ST14: variants seen among roughly 807,000 people sequenced by gnomAD.
ST14 encodes the protein ST14 transmembrane serine protease matriptase, also known as suppressor of tumorigenicity 14 protein.
In ST14, 40 loss-of-function variants were observed where a neutral mutation model predicts 96.5. That is an observed-to-expected ratio of 0.41 (90% confidence interval 0.32 to 0.54). The LOEUF (loss-of-function observed/expected upper bound fraction) is 0.54, where lower values mean the gene tolerates loss of function less well. Ranked by LOEUF, ST14 falls within the 20% of genes least tolerant of loss-of-function variation. The pLI is 0.17. For synonymous variants in ST14, 506 were observed against 492.1 expected, an observed-to-expected ratio of 1.03 and a Z score of -0.37; for missense variants, 1,066 against 1,188.9, an observed-to-expected ratio of 0.90 and a Z score of 1.52.
At chr11:130,200,649 G>A (rs7938567) in intron 16 of ST14, among the ~76,000 whole-genome samples, 71,703 of 152,024 alleles carry the variant, frequency 0.47, 17,740 homozygotes, top group East Asian at 0.74. Flanking sequence ...AACCAAATGA[G>A]CAGATATCCC....
At position 130,188,043 on chromosome 11, in the gene ST14, C is replaced by T. The variant is rs1953254529; in HGVS notation, c.82-71C>T. 12 of 1,584,690 alleles carry T rather than the reference C, an allele frequency of 7.6e-6. No homozygotes were observed. Among genetic ancestry groups the T allele is most frequent in the Non-Finnish European group, 8.6e-6 (10 of 1,164,354 alleles). ...CAAGCTGGACCTCACAAAATGTGAA[C>T]ATCTTCCCCAGCGGGGTGCAGGGGA... On this transcript the variant is annotated intron_variant, in intron 1 of 18. Transcript: ENST00000278742. The surrounding 1 kb of genome is among the most constrained non-coding windows in gnomAD (Gnocchi z 5.4).
At chr11:130,204,929 G>C (rs1389602972) in intron 16 of ST14, among the ~76,000 whole-genome samples, 1 of 152,128 alleles carries the variant, frequency 6.6e-6, no homozygotes. Flanking sequence ...TCCGGGGTCG[G>C]GGAGGTGCCC....
At chr11:130,205,698 C>CTTTTTTTTTTTTT (rs1565629180) in intron 16 of ST14, among the ~76,000 whole-genome samples, 1 of 120,826 alleles carries the variant, frequency 8.3e-6, no homozygotes, top group Non-Finnish European at 1.7e-5. Context: ...CTTCTTTAGA[C>CTTTTTTTTTTTTT]GTTTTTTTTT....
rs1225274151 is a variant in ST14 at position 130,209,832 on chromosome 11, G to T, written c.*9G>T. The stretch of plus-strand genomic sequence containing the variant: ...AGAACACTGGGGTATAGGGGCCGGG[G>T]CCACCCAAATGTGTACACCTGCGGG... On this transcript the variant is annotated 3_prime_UTR_variant, in exon 19 of 19. Transcript: ENST00000278742. 3.7e-6 allele frequency: 6 copies of T among 1,612,648 alleles called. No homozygotes were observed. Among genetic ancestry groups the T allele is most frequent in the Non-Finnish European group, 4.2e-6 (5 of 1,179,988 alleles).
intron 1 of ST14, among the ~76,000 whole-genome samples, chr11:130,164,632 TG>T (rs1953026812): frequency 6.6e-6 from 1 of 151,928 alleles, no homozygotes; most frequent in South Asian, 2.1e-4. Context: ...TTGCCCAAGC[TG>T]GTCTTGAACT....
At position 130,187,124 on chromosome 11, in the gene ST14, G is replaced by A. The variant is rs571703711; in HGVS notation, c.82-990G>A. On this transcript the variant is annotated intron_variant, in intron 1 of 18. Transcript: ENST00000278742. This position sits in a 1 kb window ranked among gnomAD's most constrained non-coding sequence, Gnocchi z 4.5. ...ATGACATCAGGAAACTGTCAAAAGGGCCAACACCTGTGGGTGTGGGATGGG... is the reference window on the plus strand; with the variant it reads ...ATGACATCAGGAAACTGTCAAAAGGACCAACACCTGTGGGTGTGGGATGGG... 6.6e-6 allele frequency among the ~76,000 whole-genome samples: 1 copy of A among 152,172 alleles called. No homozygotes were observed. Among genetic ancestry groups the A allele is most frequent in the South Asian group, 2.1e-4 (1 of 4,834 alleles).
chr11:130,178,809 G>A (rs1000905273), intron 1 of ST14, among the ~76,000 whole-genome samples: 1 of 152,178 alleles, frequency 6.6e-6, no homozygotes, highest in Non-Finnish European at 1.5e-5. Flanking sequence ...GGCGGCGACG[G>A]GTCAAAGGGA....
chr11:130,189,418 G>A, intron 4 of ST14: 2 of 488,928 alleles, frequency 4.1e-6, no homozygotes, highest in Non-Finnish European at 7.4e-6. Context: ...TCTCAGGTCA[G>A]AAAACAGGCT....
intron 1 of ST14, among the ~76,000 whole-genome samples, chr11:130,175,358 CCTCTCTCTCTTTCT>C (rs1167049247): frequency 6.6e-6 from 1 of 150,392 alleles, no homozygotes; most frequent in Admixed American, 6.6e-5. Flanking sequence ...CTTTTCTTTT[CCTCTCTCTCTTTCT>C]CTCTCTCTCT....
At chr11:130,199,247 C>T (rs1953403193) in intron 15 of ST14, among the ~76,000 whole-genome samples, 178 bp downstream of exon 15, 1 of 152,212 alleles carries the variant, frequency 6.6e-6, no homozygotes. Flanking sequence ...AGGCACCACC[C>T]CACGGGCTGG....
chr11:130,194,365 C>T, intron 8 of ST14, 77 bp downstream of exon 8: 3 of 1,582,486 alleles, frequency 1.9e-6, no homozygotes, highest in Non-Finnish European at 2.6e-6. Flanking sequence ...GTGACCTGAG[C>T]TTAGGAGGCC....
chr11:130,188,223 G>T lies in ST14; in HGVS notation c.191G>T (p.Gly64Val), dbSNP rs1565623067. 1 of 1,614,190 alleles carries T rather than the reference G, an allele frequency of 6.2e-7. No individual in the cohort carries two copies. Residue 64 changes from glycine to valine, a missense_variant, in exon 2 of 19, where the codon GGC becomes GTC. Transcript: ENST00000278742. The surrounding 1 kb of genome is among the most constrained non-coding windows in gnomAD (Gnocchi z 5.4). ...GTGGTGCTGGCAGCCGTGCTGATCGGCCTCCTCTTGGTCTTGCTGGGGATC... is the reference window on the plus strand; with the variant it reads ...GTGGTGCTGGCAGCCGTGCTGATCGTCCTCCTCTTGGTCTTGCTGGGGATC... ...RWVVLAAVLI[G>V]LLLVLLGIGF...
chr11:130,196,402 C>T lies in ST14; in HGVS notation c.1177C>T (p.Pro393Ser), dbSNP rs749850221. 6.2e-7 allele frequency: 1 copy of T among 1,610,224 alleles called. No individual in the cohort carries two copies. Among genetic ancestry groups the T allele is most frequent in the South Asian group, 1.1e-5 (1 of 90,102 alleles). Reference sequence around the variant, plus strand: ...CTTCTACCTGCTGGAGCCCGGCGTGCCTGCGGGCACCTGCCCCAAGGACTA... The same window carrying T: ...CTTCTACCTGCTGGAGCCCGGCGTGTCTGCGGGCACCTGCCCCAAGGACTA... ...KFFYLLEPGVPAGTCPKDYVE... is the reference protein window; with the variant it reads ...KFFYLLEPGVSAGTCPKDYVE... Residue 393 changes from proline (P) to serine (S), a missense_variant, in exon 10 of 19, where the codon CCT becomes TCT. Physicochemically the swap from Pro to Ser is moderately conservative, Grantham distance 74. Transcript: ENST00000278742.
chr11:130,166,318 T>C (rs1474529545), intron 1 of ST14, among the ~76,000 whole-genome samples: 6 of 152,186 alleles, frequency 3.9e-5, no homozygotes, highest in Admixed American at 1.3e-4. Flanking sequence ...ACTTGTATCC[T>C]GGACAAGGTG....
chr11:130,197,963 C>T lies in ST14; in HGVS notation c.1459+18C>T, dbSNP rs370884367. 6.4e-7 allele frequency: 1 copy of T among 1,553,584 alleles called. No individual in the cohort carries two copies. Among genetic ancestry groups the T allele is most frequent in the African/African-American group, 1.4e-5 (1 of 73,680 alleles). On this transcript the variant is annotated intron_variant, in intron 12 of 18. Transcript: ENST00000278742. ...CAACTGCAGTGAGTCAGGCTGGGAG[C>T]CCCGGTCTCCCCACCCTCCTTCCCC...
chr11:130,183,542 TAAAA>T (rs751348726), intron 1 of ST14, among the ~76,000 whole-genome samples: 1 of 126,986 alleles, frequency 7.9e-6, no homozygotes, highest in Non-Finnish European at 1.7e-5. Flanking sequence ...CCCTGTATCT[TAAAA>T]AAAAAAAAAA....
chr11:130,200,106 G>A lies in ST14; in HGVS notation c.1963G>A (p.Ala655Thr), dbSNP rs145248109. 22 of 1,613,996 alleles carry A rather than the reference G, an allele frequency of 1.4e-5. No homozygotes were observed. Among genetic ancestry groups the A allele is most frequent in the Non-Finnish European group, 1.8e-5 (21 of 1,180,038 alleles). ...LISPNWLVSA[A>T]HCYIDDRGFR... The stretch of plus-strand genomic sequence containing the variant: ...CTCTCCCAACTGGCTGGTCTCTGCC[G>A]CACACTGCTACATCGATGACAGAGG... The change falls in exon 16 of 19, where the codon GCA becomes ACA. Residue 655 changes from alanine (A) to threonine (T), a missense_variant. Physicochemically the swap from Ala to Thr is moderately conservative, Grantham distance 58 (BLOSUM62 0). Transcript: ENST00000278742.
At chr11:130,202,675 A>C (rs1246244747) in intron 16 of ST14, among the ~76,000 whole-genome samples, 2 of 152,186 alleles carry the variant, frequency 1.3e-5, no homozygotes, top group African/African-American at 2.4e-5. Context: ...CTAAGTCATC[A>C]TGCATTCATT....
intron 1 of ST14, among the ~76,000 whole-genome samples, chr11:130,180,599 C>T (rs1048551349): frequency 3.3e-5 from 5 of 152,052 alleles, no homozygotes; most frequent in African/African-American, 1.2e-4. Flanking sequence ...GGTCGTGGGC[C>T]CTGGAGAGTT....
Sources: allele counts gnomAD v4.1 joint callset (sites outside exome capture counted in the v4.1 genomes callset), GRCh38; gene constraint gnomAD v4.1.1; non-coding constraint Gnocchi (gnomAD v3.1); transcripts MANE v1.5; gene names NCBI Gene and HGNC (gene_info 2026-07-23, HGNC 2026-07-21).